The following ELAC2 variants were observed in gnomAD, a reference collection of about 807,000 sequenced individuals.
The protein encoded by ELAC2 is elaC ribonuclease Z 2, also known as zinc phosphodiesterase ELAC protein 2.
ELAC2 carries 92 observed loss-of-function variants against 105.2 expected under a neutral mutation model. That is an observed-to-expected ratio of 0.87 (90% confidence interval 0.74 to 1.04). ELAC2 has a LOEUF of 1.04. ELAC2 is among the 50% of genes least tolerant of loss of function. The probability of loss-of-function intolerance (pLI) is 0.00; values close to 1 mark genes in which losing one functional copy is unlikely to be tolerated. For missense variants in ELAC2, 1,099 were observed against 1,071.7 expected (o/e 1.03, Z -0.36); for synonymous variants, 468 against 409.1 (o/e 1.14, Z -1.74).
chr17:13,016,641 G>A (rs1033343877), intron 3 of ELAC2, among the ~76,000 whole-genome samples: 3 of 151,478 alleles, frequency 2.0e-5, no homozygotes, highest in Non-Finnish European at 4.4e-5. Flanking sequence ...TTAGCCAGGT[G>A]TGATGGGGCA....
chr17:12,992,950 C>T lies in ELAC2; in HGVS notation c.2349G>A (p.Glu783=). Reference sequence around the variant, plus strand: ...CCCGCACCTGCCGCAGCTCCCGCTTCTCCCTGCGCTCCTCCATCTCCTCGA... The same window carrying T: ...CCCGCACCTGCCGCAGCTCCCGCTTTTCCCTGCGCTCCTCCATCTCCTCGA... ...GDIEEMEERR[E]KRELRQVRAA... The change falls in exon 24 of 24, where the codon GAG becomes GAA. Residue 783 remains glutamate, a synonymous_variant. Coordinates refer to ENST00000338034, the MANE Select transcript of ELAC2 (RefSeq NM_018127.7). 1 of 1,611,320 alleles carries T rather than the reference C, an allele frequency of 6.2e-7. No individual in the cohort carries two copies. The highest frequency in any genetic ancestry group is 8.5e-7 in the Non-Finnish European group (1 of 1,180,032).
Position 13,017,980 on chromosome 17 carries a change from C to G in ELAC2, c.-33G>C, listed in dbSNP as rs1598281715. On this transcript the variant is annotated 5_prime_UTR_variant, in exon 1 of 24. Coordinates refer to ENST00000338034, the MANE Select transcript of ELAC2 (RefSeq NM_018127.7). ...TCTCCACCAAAACTGAGAAAGCCGC[C>G]GGTCACCTACGCCCGCGTTTCCCGT... 11 of 1,534,148 alleles carry G rather than the reference C, an allele frequency of 7.2e-6. No homozygotes were observed. The highest frequency in any genetic ancestry group is 9.6e-6 in the Non-Finnish European group (11 of 1,146,592).
At chr17:13,011,590 C>G in intron 7 of ELAC2, 73 bp downstream of exon 7, 1 of 1,611,736 alleles carries the variant, frequency 6.2e-7, no homozygotes, top group Non-Finnish European at 8.5e-7. Context: ...TAATGACTCT[C>G]TACAAGCATT....
At chr17:13,011,527 GT>G in intron 7 of ELAC2, 135 bp downstream of exon 7, 1 of 1,454,812 alleles carries the variant, frequency 6.9e-7, no homozygotes, top group East Asian at 2.3e-5. Context: ...AACGGGCCAA[GT>G]TATAGTAAGC....
At chr17:13,017,329 G>A (rs1218086521) in intron 1 of ELAC2, 1 of 647,700 alleles carries the variant, frequency 1.5e-6, no homozygotes, top group Non-Finnish European at 2.7e-6. Context: ...GTGTGTGTGG[G>A]TGCTAGGACA....
At chr17:13,000,354 A>T in intron 14 of ELAC2, 80 bp from the exon 15 acceptor site, 2 of 1,276,174 alleles carry the variant, frequency 1.6e-6, no homozygotes, top group Non-Finnish European at 1.1e-6. Flanking sequence ...TGTCCAGAAT[A>T]AATTCAGGGG....
chr17:13,015,161 C>T (rs939069826), intron 4 of ELAC2, among the ~76,000 whole-genome samples: 2 of 152,150 alleles, frequency 1.3e-5, no homozygotes, highest in African/African-American at 4.8e-5. Flanking sequence ...TGCTGTGTGG[C>T]AGATGGATTA....
chr17:12,991,747 G>A lies in ELAC2; in HGVS notation c.*1071C>T. Reference sequence around the variant, plus strand: ...AAGGTCACCACCTGTGTAAAGCCAGGTCCCTGGCTGATCTCTCGCTTGCTT... The same window carrying A: ...AAGGTCACCACCTGTGTAAAGCCAGATCCCTGGCTGATCTCTCGCTTGCTT... On this transcript the variant is annotated 3_prime_UTR_variant, in exon 24 of 24. Coordinates refer to ENST00000338034, the MANE Select transcript of ELAC2 (RefSeq NM_018127.7). 1 of 212,614 alleles carries A rather than the reference G, an allele frequency of 4.7e-6. No individual in the cohort carries two copies. The highest frequency in any genetic ancestry group is 9.6e-6 in the Non-Finnish European group (1 of 104,706). The allele number at this position is 212,614 out of a possible 1,614,324, so 13.2% of individuals were successfully genotyped here.
intron 3 of ELAC2, among the ~76,000 whole-genome samples, chr17:13,016,513 G>A (rs557716715): frequency 1.2e-4 from 19 of 152,130 alleles, no homozygotes; most frequent in South Asian, 2.1e-4. Context: ...GGCCAGGTGC[G>A]GTGGCTCATG....
At chr17:13,001,471 A>G (rs1248648222) in intron 14 of ELAC2, among the ~76,000 whole-genome samples, 1 of 152,148 alleles carries the variant, frequency 6.6e-6, no homozygotes, top group Admixed American at 6.5e-5. Flanking sequence ...CAGCCTGGGC[A>G]ACAAGAGTGA....
In ELAC2 at chr17:13,003,868, G is replaced by A. The variant is rs116410221; in HGVS notation, c.984-294C>T. The A allele has an allele frequency of 2.3e-3, 916 of 405,016 alleles. 9 individuals are homozygous for A. Among genetic ancestry groups the A allele is most frequent in the African/African-American group, 0.017 (838 of 49,192 alleles). The allele number at this position is 405,016 out of a possible 1,614,324, so 25.1% of individuals were successfully genotyped here. A position where few individuals can be genotyped will look rare whatever the true frequency, so the allele number is the denominator to read the frequency against. ...TCCTTCCTACCCTCTCCACTCATAC[G>A]GGTCCAACCTGCAAAGCCAGACCCA... On this transcript the variant is annotated intron_variant, in intron 11 of 23. Transcript: ENST00000338034.
intron 14 of ELAC2, 112 bp from the exon 15 acceptor site, chr17:13,000,386 T>G: frequency 1.0e-6 from 1 of 996,118 alleles, no homozygotes; most frequent in Non-Finnish European, 1.6e-6. Context: ...GGAAGTTCCT[T>G]CAGATCAACA....
chr17:12,996,824 T>A, intron 16 of ELAC2, 139 bp from the exon 17 acceptor site: 1 of 1,158,154 alleles, frequency 8.6e-7, no homozygotes, highest in Non-Finnish European at 1.2e-6. Flanking sequence ...GGAGCTAATA[T>A]AAAAGCCAAT....
At chr17:12,998,827 C>T (rs988809530) in intron 15 of ELAC2, among the ~76,000 whole-genome samples, 2 of 152,152 alleles carry the variant, frequency 1.3e-5, no homozygotes, top group East Asian at 1.9e-4. Context: ...CAGGTTATCC[C>T]GTCTTCACAA....
chr17:13,011,832 C>A (rs533909020), intron 6 of ELAC2, 50 bp from the exon 7 acceptor site: 1 of 1,613,776 alleles, frequency 6.2e-7, no homozygotes, highest in Non-Finnish European at 8.5e-7. Context: ...GGTGAGCTGA[C>A]AGCCAAGGCC....
At chr17:13,016,585 T>C (rs1385993727) in intron 3 of ELAC2, among the ~76,000 whole-genome samples, 1 of 151,732 alleles carries the variant, frequency 6.6e-6, no homozygotes, top group Admixed American at 6.6e-5. Flanking sequence ...GAGACCAGCC[T>C]GGGCAACATA....
Position 13,018,012 on chromosome 17 carries a change from C to T in ELAC2, c.-65G>A, listed in dbSNP as rs1271348714. ...CTACGCCCGCGTTTCCCGTGCACCA[C>T]CTAGCCGCTCCGCATGGCGGATCCA... On this transcript the variant is annotated 5_prime_UTR_variant, in exon 1 of 24. In the 5' UTR this introduces an upstream ATG that the reference lacks. Transcript: ENST00000338034. 8 of 1,532,096 alleles carry T rather than the reference C, an allele frequency of 5.2e-6. No homozygotes were observed. The highest frequency in any genetic ancestry group is 1.4e-5 in the African/African-American group (1 of 72,900). 94.9% of individuals were successfully genotyped at this position (1,532,096 alleles called of 1,614,324 possible).
chr17:12,999,665 A>ATTT (rs11439540), intron 15 of ELAC2, among the ~76,000 whole-genome samples: 1,967 of 150,456 alleles, frequency 0.013, 16 homozygotes, highest in Non-Finnish European at 0.021. Context: ...AGGAATTGGG[A>ATTT]TTTTTTTTTT....
intron 14 of ELAC2, among the ~76,000 whole-genome samples, chr17:13,001,253 G>A (rs991876945): frequency 6.6e-6 from 1 of 152,204 alleles, no homozygotes; most frequent in Non-Finnish European, 1.5e-5. Flanking sequence ...AACACTTTGG[G>A]AGGCTGAGGT....
Sources: gnomAD v4.1 joint callset for allele counts (sites outside exome capture counted in the v4.1 genomes callset) on GRCh38, gnomAD v4.1.1 for gene constraint, MANE v1.5 for transcripts, NCBI Gene and HGNC (gene_info 2026-07-23, HGNC 2026-07-21) for gene names.